GAB2: variants seen among roughly 807,000 people sequenced by gnomAD.
The protein encoded by GAB2 is GRB2 associated binding protein 2.
Under a neutral mutation model 65.5 loss-of-function variants are expected in GAB2, and 26 were observed. That is an observed-to-expected ratio of 0.40 (90% confidence interval 0.29 to 0.55). The LOEUF (loss-of-function observed/expected upper bound fraction) is 0.55, where lower values mean the gene tolerates loss of function less well. GAB2 is among the 20% of genes least tolerant of loss of function. GAB2 has a pLI of 0.53. For synonymous variants in GAB2, 321 were observed against 329.6 expected, an observed-to-expected ratio of 0.97 and a Z score of 0.28; for missense variants, 884 against 875.8, an observed-to-expected ratio of 1.01 and a Z score of -0.12.
intron 1 of GAB2, among the ~76,000 whole-genome samples, chr11:78,322,034 G>T (rs1191367842): frequency 6.6e-6 from 1 of 151,988 alleles, no homozygotes; most frequent in Non-Finnish European, 1.5e-5. Flanking sequence ...GCTGGGCACA[G>T]TGGCCCACAT....
intron 1 of GAB2, among the ~76,000 whole-genome samples, chr11:78,406,625 G>C (rs1301008606): frequency 1.3e-5 from 2 of 152,258 alleles, no homozygotes; most frequent in East Asian, 3.9e-4. Context: ...TGACTCACCT[G>C]CCTTGGCCTC....
At chr11:78,285,220 G>T (rs1866445965) in intron 1 of GAB2, among the ~76,000 whole-genome samples, 1 of 152,110 alleles carries the variant, frequency 6.6e-6, no homozygotes, top group South Asian at 2.1e-4. Context: ...TTGTCTCTGT[G>T]GAAAGAGCTG....
intron 3 of GAB2, among the ~76,000 whole-genome samples, chr11:78,247,233 T>C (rs1865323677): frequency 6.6e-6 from 1 of 152,214 alleles, no homozygotes; most frequent in Non-Finnish European, 1.5e-5. Flanking sequence ...CTTTTATTTA[T>C]TTTTCAGAGT....
intron 1 of GAB2, among the ~76,000 whole-genome samples, chr11:78,294,523 G>A (rs1024085243): frequency 5.3e-5 from 8 of 152,130 alleles, no homozygotes; most frequent in Non-Finnish European, 7.3e-5. Context: ...CTAGTTTACA[G>A]TCCCACCAAC....
intron 2 of GAB2, among the ~76,000 whole-genome samples, chr11:78,271,638 C>T (rs1350257510): frequency 6.6e-6 from 1 of 152,182 alleles, no homozygotes; most frequent in Non-Finnish European, 1.5e-5. Flanking sequence ...CCATCTGCCA[C>T]AAACCTCTTC....
At chr11:78,353,572 G>A (rs909973207) in intron 1 of GAB2, among the ~76,000 whole-genome samples, 5 of 152,190 alleles carry the variant, frequency 3.3e-5, no homozygotes, top group African/African-American at 1.2e-4. Context: ...AGAACTTCCT[G>A]TGATAATAGA....
At chr11:78,288,033 G>A (rs544385108) in intron 1 of GAB2, among the ~76,000 whole-genome samples, 17 of 140,328 alleles carry the variant, frequency 1.2e-4, no homozygotes, top group African/African-American at 4.3e-4. Flanking sequence ...TATACTGATT[G>A]GAAAGGAAGA....
At chr11:78,225,250 T>A (rs2134464648) in intron 4 of GAB2, 48 bp from the exon 5 acceptor site, 1 of 1,266,848 alleles carries the variant, frequency 7.9e-7, no homozygotes, top group Non-Finnish European at 1.2e-6. Context: ...GATTCATGTG[T>A]TGACACTTAC....
intron 3 of GAB2, among the ~76,000 whole-genome samples, chr11:78,240,151 T>A (rs7109780): frequency 0.25 from 38,262 of 152,030 alleles, 6,384 homozygotes; most frequent in Non-Finnish European, 0.38. Flanking sequence ...CCACAGTGCC[T>A]AAGCTGAAGC....
chr11:78,346,690 TA>T lies in GAB2; in HGVS notation c.76-65790del, dbSNP rs1565168110. Among the ~76,000 whole-genome samples, 59 of 90,018 alleles carry T rather than the reference TA, an allele frequency of 6.6e-4. 2 individuals are homozygous for T. Among genetic ancestry groups the T allele is most frequent in the Middle Eastern group, 5.0e-3 (1 of 202 alleles). 59.1% of individuals were successfully genotyped at this position (90,018 alleles called of 152,430 possible). ...CATCCCCTCCATATATATATATATA[TA>T]TATATATATATATATATATATATAT... On this transcript the variant is annotated intron_variant, in intron 1 of 9. Coordinates refer to ENST00000361507, the MANE Select transcript of GAB2 (RefSeq NM_080491.3).
intron 1 of GAB2, among the ~76,000 whole-genome samples, chr11:78,351,266 T>A (rs539644093): frequency 6.6e-6 from 1 of 152,060 alleles, no homozygotes; most frequent in East Asian, 1.9e-4. Flanking sequence ...TTTTTTTTTT[T>A]AATAAGTGGA....
intron 1 of GAB2, among the ~76,000 whole-genome samples, chr11:78,320,200 T>C (rs1443450892): frequency 6.6e-6 from 1 of 152,062 alleles, no homozygotes; most frequent in African/African-American, 2.4e-5. Context: ...TGAAAAACAA[T>C]TTTATTTTCT....
intron 1 of GAB2, among the ~76,000 whole-genome samples, chr11:78,301,559 C>T (rs1867020299): frequency 1.3e-5 from 2 of 152,134 alleles, no homozygotes; most frequent in South Asian, 4.1e-4. Context: ...TCTTGAACTC[C>T]TGACTTCAGG....
chr11:78,404,461 C>T (rs1308124527), intron 1 of GAB2, among the ~76,000 whole-genome samples: 3 of 152,172 alleles, frequency 2.0e-5, no homozygotes, highest in Non-Finnish European at 2.9e-5. Context: ...GTGGCAGGAT[C>T]GCTTGAGCCT....
chr11:78,267,201 G>T (rs1232719764), intron 2 of GAB2, among the ~76,000 whole-genome samples: 2 of 152,194 alleles, frequency 1.3e-5, no homozygotes, highest in Non-Finnish European at 2.9e-5. Context: ...AGATCCCAGG[G>T]CTAACCATAG....
At position 78,280,668 on chromosome 11, in the gene GAB2, C is replaced by T; in HGVS notation, c.309G>A (p.Glu103=). ...RTFYLVAETE[E]DMNKWVQSIC... ...TGCTCTGGACCCACTTATTCATGTC[C>T]TCTTCTGTCTCAGCCACCAGGTAAA... The change falls in exon 2 of 10, where the codon GAG becomes GAA. Residue 103 remains glutamate (E), a synonymous_variant. Coordinates refer to ENST00000361507, the MANE Select transcript of GAB2 (RefSeq NM_080491.3). 1 of 1,614,122 alleles carries T rather than the reference C, an allele frequency of 6.2e-7. No homozygotes were observed. Among genetic ancestry groups the T allele is most frequent in the African/African-American group, 1.3e-5 (1 of 75,052 alleles).
intron 1 of GAB2, among the ~76,000 whole-genome samples, chr11:78,305,228 T>C (rs1477339301): frequency 1.3e-5 from 2 of 152,220 alleles, no homozygotes; most frequent in Admixed American, 6.5e-5. Context: ...AACTCATACA[T>C]GGAAGTCTGT....
intron 1 of GAB2, among the ~76,000 whole-genome samples, chr11:78,328,858 C>A (rs1219976795): frequency 6.6e-6 from 1 of 152,058 alleles, no homozygotes; most frequent in African/African-American, 2.4e-5. Flanking sequence ...CTGATAGGAG[C>A]TTTAGTTACA....
intron 3 of GAB2, among the ~76,000 whole-genome samples, chr11:78,248,642 T>C (rs1298803390): frequency 3.3e-5 from 5 of 152,260 alleles, no homozygotes; most frequent in African/African-American, 1.2e-4. Flanking sequence ...ATTTACTCTC[T>C]ACTACTATTT....
Sources: gnomAD v4.1 joint callset for allele counts (sites outside exome capture counted in the v4.1 genomes callset) on GRCh38, gnomAD v4.1.1 for gene constraint, MANE v1.5 for transcripts, NCBI Gene and HGNC (gene_info 2026-07-23, HGNC 2026-07-21) for gene names.